NALCN: variants seen among roughly 807,000 people sequenced by gnomAD.
The protein encoded by NALCN is sodium leak channel, non-selective, also known as sodium leak channel NALCN.
Under a neutral mutation model 225.3 loss-of-function variants are expected in NALCN, and 111 were observed. The ratio of observed to expected loss-of-function variants is 0.49; its 90% confidence interval spans 0.42 to 0.58. The LOEUF (loss-of-function observed/expected upper bound fraction) is 0.58, where lower values mean the gene tolerates loss of function less well. NALCN is among the 20% of genes least tolerant of loss of function. The pLI is 0.00. For missense variants in NALCN, 1,378 were observed against 2,202.4 expected, an observed-to-expected ratio of 0.63 and a Z score of 7.49; for synonymous variants, 764 against 769.0, an observed-to-expected ratio of 0.99 and a Z score of 0.11.
At chr13:101,233,291 A>G (rs917135901) in intron 12 of NALCN, among the ~76,000 whole-genome samples, 3 of 151,912 alleles carry the variant, frequency 2.0e-5, no homozygotes, top group African/African-American at 4.8e-5. Context: ...TGCTGTAGAA[A>G]TTGCATAGTT....
intron 7 of NALCN, among the ~76,000 whole-genome samples, chr13:101,321,578 C>T (rs2044747648): frequency 6.6e-6 from 1 of 151,902 alleles, no homozygotes; most frequent in African/African-American, 2.4e-5. Context: ...AGAACTATTC[C>T]CATGGTACAC....
intron 37 of NALCN, among the ~76,000 whole-genome samples, chr13:101,071,075 C>G (rs2032848042): frequency 6.6e-6 from 1 of 152,128 alleles, no homozygotes. Context: ...TGGAAGAAAC[C>G]ACCCCCATGA....
intron 18 of NALCN, chr13:101,116,876 A>G: frequency 2.1e-6 from 1 of 475,624 alleles, no homozygotes; most frequent in Non-Finnish European, 4.2e-6. Flanking sequence ...TGACTGTATA[A>G]CTAAGAGAAT....
intron 13 of NALCN, among the ~76,000 whole-genome samples, chr13:101,195,228 G>T (rs903506352): frequency 6.6e-6 from 1 of 152,052 alleles, no homozygotes; most frequent in Non-Finnish European, 1.5e-5. Context: ...CTACCTATTC[G>T]CATGTTATTC....
At chr13:101,152,782 C>T (rs2037715244) in intron 15 of NALCN, among the ~76,000 whole-genome samples, 1 of 151,762 alleles carries the variant, frequency 6.6e-6, no homozygotes, top group Non-Finnish European at 1.5e-5. Context: ...TATATCTGTC[C>T]TTTGTTACTC....
At chr13:101,100,234 G>T (rs2034733909) in intron 27 of NALCN, among the ~76,000 whole-genome samples, 2 of 152,122 alleles carry the variant, frequency 1.3e-5, no homozygotes. Flanking sequence ...TTTGCATGGG[G>T]CTGTTTGCTG....
intron 7 of NALCN, among the ~76,000 whole-genome samples, chr13:101,330,960 T>G (rs2045146912): frequency 6.6e-6 from 1 of 152,222 alleles, no homozygotes; most frequent in African/African-American, 2.4e-5. Context: ...GAACTGTGAA[T>G]CTATTAAATC....
intron 20 of NALCN, among the ~76,000 whole-genome samples, chr13:101,108,110 T>C (rs946026221): frequency 2.0e-5 from 3 of 148,818 alleles, no homozygotes; most frequent in Non-Finnish European, 4.5e-5. Context: ...TTTATAATTA[T>C]GTATATTTAT....
intron 9 of NALCN, among the ~76,000 whole-genome samples, chr13:101,287,458 T>C (rs1285710837): frequency 1.3e-5 from 2 of 152,214 alleles, no homozygotes; most frequent in Admixed American, 1.3e-4. Context: ...TAGCCAGTTA[T>C]ATAACATTGG....
At chr13:101,074,492 A>T in intron 36 of NALCN, 22 bp downstream of exon 36, 1 of 1,518,966 alleles carries the variant, frequency 6.6e-7, no homozygotes, top group Non-Finnish European at 8.8e-7. Context: ...ATAAATGAAT[A>T]GAAAGATAAG....
At chr13:101,109,870 A>C (rs2035338381) in intron 20 of NALCN, among the ~76,000 whole-genome samples, 1 of 152,130 alleles carries the variant, frequency 6.6e-6, no homozygotes, top group African/African-American at 2.4e-5. Flanking sequence ...CCCACCTTTG[A>C]TTTATTTACA....
chr13:101,068,932 A>C (rs547437018), intron 37 of NALCN, 105 bp from the exon 38 acceptor site: 1 of 1,240,072 alleles, frequency 8.1e-7, no homozygotes, highest in East Asian at 2.9e-5. Flanking sequence ...ATAGCATATA[A>C]TTAACTTCAA....
intron 1 of NALCN, among the ~76,000 whole-genome samples, chr13:101,415,222 TATACATAC>T (rs549671833): frequency 2.4e-5 from 2 of 82,982 alleles, no homozygotes; most frequent in South Asian, 3.2e-4. Context: ...TATATATATA[TATACATAC>T]ATATATATTT....
At chr13:101,066,017 T>C (rs2032354676) in intron 39 of NALCN, among the ~76,000 whole-genome samples, 1 of 152,180 alleles carries the variant, frequency 6.6e-6, no homozygotes, top group Non-Finnish European at 1.5e-5. Flanking sequence ...GTCTCAATGT[T>C]TATTACATGT....
intron 10 of NALCN, among the ~76,000 whole-genome samples, chr13:101,269,256 C>G (rs2042698356): frequency 6.7e-6 from 1 of 148,528 alleles, no homozygotes; most frequent in Admixed American, 6.8e-5. Flanking sequence ...GCCTGGTGTT[C>G]CTAAGCTTCA....
In NALCN at chr13:101,346,057, T is replaced by TTCTCTCTCTCTCTC. The variant is rs767899309; in HGVS notation, c.645-651_645-638dup. Among the ~76,000 whole-genome samples, 146 of 75,470 alleles carry TTCTCTCTCTCTCTC rather than the reference T, an allele frequency of 1.9e-3. 1 individual carries two copies. The highest frequency in any genetic ancestry group is 3.0e-3 in the East Asian group (8 of 2,706). 49.5% of individuals were successfully genotyped at this position (75,470 alleles called of 152,430 possible). A position where few individuals can be genotyped will look rare whatever the true frequency, so the allele number is the denominator to read the frequency against. ...TATATATATGAGACCTTGAGAGACT[T>TTCTCTCTCTCTCTC]TCTCTCTCTCTCTCTCTCTCTCTCT... On this transcript the variant is annotated intron_variant, in intron 6 of 43. Coordinates refer to ENST00000251127, the MANE Select transcript of NALCN (RefSeq NM_052867.4).
chr13:101,365,083 G>A lies in NALCN; in HGVS notation c.644+11617C>T, dbSNP rs563443718. Among the ~76,000 whole-genome samples the A allele has an allele frequency of 1.8e-4, 28 of 152,180 alleles. No homozygotes were observed. In the South Asian group the frequency reaches 5.2e-3, roughly 28 times the overall value. On this transcript the variant is annotated intron_variant, in intron 6 of 43. Coordinates refer to ENST00000251127, the MANE Select transcript of NALCN (RefSeq NM_052867.4). ...TTTTAGATTCAGGGATACATGTGCA[G>A]GTTTGTTATATAGGTAAACTGCGTG...
At chr13:101,245,293 A>C (rs942723534) in intron 11 of NALCN, among the ~76,000 whole-genome samples, 2 of 152,198 alleles carry the variant, frequency 1.3e-5, no homozygotes, top group African/African-American at 4.8e-5. Context: ...GAGTATAATA[A>C]ACTTTTCTTT....
At chr13:101,088,488 C>T (rs1041018904) in intron 30 of NALCN, among the ~76,000 whole-genome samples, 2 of 152,124 alleles carry the variant, frequency 1.3e-5, no homozygotes, top group Non-Finnish European at 1.5e-5. Context: ...ACAGAGCCTG[C>T]GGTAATAGGC....
Sources: allele counts gnomAD v4.1 joint callset (sites outside exome capture counted in the v4.1 genomes callset), GRCh38; gene constraint gnomAD v4.1.1; transcripts MANE v1.5; gene names NCBI Gene and HGNC (gene_info 2026-07-23, HGNC 2026-07-21).